PPP2R3B: variants seen among roughly 807,000 people sequenced by gnomAD.
PPP2R3B encodes the protein serine/threonine-protein phosphatase 2A regulatory subunit B'' subunit beta.
Under a neutral mutation model 72.9 loss-of-function variants are expected in PPP2R3B, and 68 were observed. That is an observed-to-expected ratio of 0.93 (90% CI 0.77 to 1.14). The LOEUF is 1.14. Ranked by LOEUF, PPP2R3B falls within the 50% of genes most tolerant of loss-of-function variation. The probability of loss-of-function intolerance (pLI) is 0.00; values close to 1 mark genes in which losing one functional copy is unlikely to be tolerated. For missense variants in PPP2R3B, 1,018 were observed against 842.0 expected (o/e 1.21, Z -2.59); for synonymous variants, 466 against 375.8 (o/e 1.24, Z -2.78).
At chrX:351,981 C>T (rs763694165) in intron 2 of PPP2R3B, among the ~76,000 whole-genome samples, 62 of 152,330 alleles carry the variant, frequency 4.1e-4, no homozygotes, top group African/African-American at 1.5e-3. Context: ...AGGGATGACA[C>T]TGCAACCAGA....
At position 341,368 on chromosome X, in the gene PPP2R3B, T is replaced by C; in HGVS notation, c.1114A>G (p.Ile372Val). Residue 372 changes from isoleucine to valine, a missense_variant, in exon 9 of 13, where the codon ATC becomes GTC. Physicochemically the swap from Ile to Val is conservative, Grantham distance 29. Coordinates refer to ENST00000390665, the MANE Select transcript of PPP2R3B (RefSeq NM_013239.5). Reference sequence around the variant, plus strand: ...AACCAGACAAAGTCGGCATAGCTGATCTTCCCTTCCTTCTGCACTTTTCTG... The same window carrying C: ...AACCAGACAAAGTCGGCATAGCTGACCTTCCCTTCCTTCTGCACTTTTCTG... ...RGRKVQKEGKISYADFVWFLI... is the reference protein window; with the variant it reads ...RGRKVQKEGKVSYADFVWFLI... 2 of 1,612,752 alleles carry C rather than the reference T, an allele frequency of 1.2e-6. No homozygotes were observed. The highest frequency in any genetic ancestry group is 1.7e-6 in the Non-Finnish European group (2 of 1,179,736).
Position 338,907 on chromosome X carries a change from G to T in PPP2R3B, c.1352-11C>A, listed in dbSNP as rs777314009. The T allele has an allele frequency of 2.5e-6, 4 of 1,609,986 alleles. No homozygotes were observed. The East Asian group carries it at 8.9e-5, about 36-fold the overall frequency. Reference sequence around the variant, plus strand: ...GCAGCGTGATCTTCCCTGCGGGGAGGGGAGTGCGTCCAAGGCGCGTGAGCC... The same window carrying T: ...GCAGCGTGATCTTCCCTGCGGGGAGTGGAGTGCGTCCAAGGCGCGTGAGCC... On this transcript the variant is annotated splice_polypyrimidine_tract_variant and intron_variant, in intron 10 of 12. Coordinates refer to ENST00000390665, the MANE Select transcript of PPP2R3B (RefSeq NM_013239.5).
At chrX:363,383 T>A (rs2071590449) in intron 1 of PPP2R3B, among the ~76,000 whole-genome samples, 1 of 147,166 alleles carries the variant, frequency 6.8e-6, no homozygotes, top group South Asian at 2.2e-4. Flanking sequence ...CATCCCACAG[T>A]GCATCTCCCC....
At chrX:358,669 G>A (rs2071481712) in intron 2 of PPP2R3B, among the ~76,000 whole-genome samples, 1 of 151,996 alleles carries the variant, frequency 6.6e-6, no homozygotes, top group South Asian at 2.1e-4. Flanking sequence ...ACCTTAGACG[G>A]CCACCAAGGC....
chrX:353,868 A>C (rs2071380967), intron 2 of PPP2R3B, among the ~76,000 whole-genome samples: 1 of 129,884 alleles, frequency 7.7e-6, no homozygotes, highest in South Asian at 2.4e-4. Context: ...GGGCTCACCC[A>C]AAGACCAGGG....
intron 1 of PPP2R3B, among the ~76,000 whole-genome samples, chrX:371,008 G>A (rs1301530268): frequency 6.6e-6 from 1 of 152,162 alleles, no homozygotes; most frequent in Non-Finnish European, 1.5e-5. Context: ...CTGAGTCAGT[G>A]TGTGGGGAGC....
chrX:375,821 A>ACACACGCCCTGTCCTGCCACGCTGGGTGG (rs2071980334), intron 1 of PPP2R3B, among the ~76,000 whole-genome samples: 1 of 152,148 alleles, frequency 6.6e-6, no homozygotes, highest in African/African-American at 2.4e-5. Flanking sequence ...ACGCCAGGTG[A>ACACACGCCCTGTCCTGCCACGCTGGGTGG]CACACGCCCT....
rs759596451 is a variant in PPP2R3B, at chrX:386,345, TAGC to T, written c.324+20_324+22del. The T allele has an allele frequency of 3.6e-5, 47 of 1,307,234 alleles. No homozygotes were observed. The African/African-American group carries it at 6.5e-4, about 18-fold the overall frequency. The allele number at this position is 1,307,234 out of a possible 1,614,324, so 81.0% of individuals were successfully genotyped here. On this transcript the variant is annotated intron_variant, in intron 1 of 12. Coordinates refer to ENST00000390665, the MANE Select transcript of PPP2R3B (RefSeq NM_013239.5). The stretch of plus-strand genomic sequence containing the variant: ...CGACCAGAGCCACCTGCGCAGTTGT[TAGC>T]AGAAGGAAGAGTAACTTACTACTCT...
At chrX:363,441 T>A (rs2071593956) in intron 1 of PPP2R3B, among the ~76,000 whole-genome samples, 1 of 151,748 alleles carries the variant, frequency 6.6e-6, no homozygotes, top group Non-Finnish European at 1.5e-5. Flanking sequence ...GATCCCACAA[T>A]GCATCTCCCC....
intron 1 of PPP2R3B, among the ~76,000 whole-genome samples, chrX:371,552 G>A (rs1312838473): frequency 1.3e-5 from 2 of 152,146 alleles, no homozygotes; most frequent in Admixed American, 6.5e-5. Context: ...AAGCTCAGGA[G>A]CACCCGCCAG....
chrX:348,863 C>T (rs1313856101), intron 2 of PPP2R3B, among the ~76,000 whole-genome samples: 1 of 152,112 alleles, frequency 6.6e-6, no homozygotes, highest in Admixed American at 6.5e-5. Flanking sequence ...CACATGCGTT[C>T]CCCTGGAGAA....
chrX:340,837 T>C lies in PPP2R3B; in HGVS notation c.1279A>G (p.Met427Val), dbSNP rs1482384365. 2 of 1,611,668 alleles carry C rather than the reference T, an allele frequency of 1.2e-6. No homozygotes were observed. The highest frequency in any genetic ancestry group is 1.7e-6 in the Non-Finnish European group (2 of 1,179,624). Residue 427 changes from methionine (M) to valine (V), a missense_variant, in exon 10 of 13, where the codon ATG becomes GTG. Physicochemically the swap from Met to Val is conservative, Grantham distance 21 (BLOSUM62 1). Coordinates refer to ENST00000390665, the MANE Select transcript of PPP2R3B (RefSeq NM_013239.5). The part of the protein sequence containing the change: ...YEEQCRRLDS[M>V]AIEALPFQDC... ...TGGAAGGGCAGGGCCTCGATGGCCA[T>C]GCTGTCCAGCCTTCGGCACTGCTCC...
Position 386,626 on chromosome X carries a change from C to T in PPP2R3B, c.66G>A (p.Trp22Ter), listed in dbSNP as rs1408525591. 1 of 1,450,378 alleles carries T rather than the reference C, an allele frequency of 6.9e-7. No individual in the cohort carries two copies. Among genetic ancestry groups the T allele is most frequent in the Admixed American group, 2.4e-5 (1 of 42,318 alleles). 89.8% of individuals were successfully genotyped at this position (1,450,378 alleles called of 1,614,324 possible). A position where few individuals can be genotyped will look rare whatever the true frequency, so the allele number is the denominator to read the frequency against. Residue 22 changes from tryptophan (W) to a stop codon, truncating the protein, a stop_gained, in exon 1 of 13, where the codon TGG becomes TGA. Coordinates refer to ENST00000390665, the MANE Select transcript of PPP2R3B (RefSeq NM_013239.5). LOFTEE classifies it high-confidence loss of function. ...TCCGCTGCGTGCTGGCCTCGCTGAGCCAGTACAGGAACAGCTCGTCCACCT... is the reference window on the plus strand; with the variant it reads ...TCCGCTGCGTGCTGGCCTCGCTGAGTCAGTACAGGAACAGCTCGTCCACCT... ...KMKVDELFLY[W>*]LSEASTQRML...
intron 12 of PPP2R3B, chrX:335,527 A>C (rs2070866019): frequency 6.6e-6 from 1 of 150,560 alleles, no homozygotes; most frequent in African/African-American, 2.4e-5. Flanking sequence ...AGCAGGGGTT[A>C]AAATGCACGT....
chrX:347,750 G>C, intron 2 of PPP2R3B, 57 bp from the exon 3 acceptor site: 2 of 1,333,706 alleles, frequency 1.5e-6, no homozygotes, highest in Non-Finnish European at 2.0e-6. Flanking sequence ...CGGCGCTCCT[G>C]CTGCGTACCT....
intron 1 of PPP2R3B, among the ~76,000 whole-genome samples, chrX:384,467 G>T (rs1603149220): frequency 6.6e-6 from 1 of 151,762 alleles, no homozygotes; most frequent in African/African-American, 2.4e-5. Flanking sequence ...GCTAATTTGT[G>T]TATTTTTAGC....
At chrX:356,022 G>A (rs1167745272) in intron 2 of PPP2R3B, among the ~76,000 whole-genome samples, 1 of 152,174 alleles carries the variant, frequency 6.6e-6, no homozygotes, top group African/African-American at 2.4e-5. Context: ...ATGAAAAAAA[G>A]GCAAACTGAT....
chrX:347,589 C>T lies in PPP2R3B; in HGVS notation c.614+1G>A. The T allele has an allele frequency of 6.4e-7, 1 of 1,573,364 alleles. No homozygotes were observed. Among genetic ancestry groups the T allele is most frequent in the Middle Eastern group, 2.1e-4 (1 of 4,784 alleles). Reference sequence around the variant, plus strand: ...AGCCCCCTGCCCAGCCCAGGACTCACTTTCTCCACATGGCGACGAACTTGT... The same window carrying T: ...AGCCCCCTGCCCAGCCCAGGACTCATTTTCTCCACATGGCGACGAACTTGT... On this transcript the variant is annotated splice_donor_variant, in intron 3 of 12. Transcript: ENST00000390665. LOFTEE classifies it high-confidence loss of function.
At chrX:344,793 C>G in intron 7 of PPP2R3B, 1 of 278,268 alleles carries the variant, frequency 3.6e-6, no homozygotes, top group Non-Finnish European at 7.0e-6. Flanking sequence ...ACTGCGGCCA[C>G]GCGACCCAGG....
Sources: allele counts gnomAD v4.1 joint callset (sites outside exome capture counted in the v4.1 genomes callset), GRCh38; gene constraint gnomAD v4.1.1; transcripts MANE v1.5; gene names NCBI Gene and HGNC (gene_info 2026-07-23, HGNC 2026-07-21).